The following EPHA6 variants were observed in gnomAD, a reference collection of about 807,000 sequenced individuals.
EPHA6 encodes ephrin type-A receptor 6.
In EPHA6, 50 loss-of-function variants were observed where a neutral mutation model predicts 112.0. That is an observed-to-expected ratio of 0.45 (90% CI 0.36 to 0.56). The LOEUF (loss-of-function observed/expected upper bound fraction) is 0.56, where lower values mean the gene tolerates loss of function less well. Among genes scored for constraint, EPHA6 ranks in the 20% least tolerant of loss-of-function variants. EPHA6 has a pLI of 0.00. For synonymous variants in EPHA6, 529 were observed against 490.7 expected (o/e 1.08, Z -1.03); for missense variants, 1,280 against 1,417.4 (o/e 0.90, Z 1.56).
In EPHA6 at chr3:97,479,296, G is replaced by A. The variant is rs1417988514; in HGVS notation, c.2006G>A (p.Cys669Tyr). The change falls in exon 9 of 18, where the codon TGT becomes TAT. Residue 669 changes from cysteine to tyrosine, a missense_variant and splice_region_variant. This residue lies in a region of EPHA6 where 878 missense variants were observed against 999.7 expected (regional missense o/e 0.88). Transcript: ENST00000389672. ...LTLFFLITGR[C>Y]QWYIKAKMKS... ...TTTTTTTTTAATCTTTTTAAAAGATGTCAGTGGTACATAAAAGCCAAGATG... is the reference window on the plus strand; with the variant it reads ...TTTTTTTTTAATCTTTTTAAAAGATATCAGTGGTACATAAAAGCCAAGATG... The A allele has an allele frequency of 6.3e-7, 1 of 1,586,378 alleles. No homozygotes were observed. The highest frequency in any genetic ancestry group is 8.6e-7 in the Non-Finnish European group (1 of 1,168,198).
At position 96,994,709 on chromosome 3, in the gene EPHA6, G is replaced by GTATATATA. The variant is rs66581386; in HGVS notation, c.1114+6733_1114+6740dup. ...TGTGTGTGTATGTGTGTGTGTGTGT[G>GTATATATA]TATATATATATATATATATATATAG... On this transcript the variant is annotated intron_variant, in intron 3 of 17. Coordinates refer to ENST00000389672, the MANE Select transcript of EPHA6 (RefSeq NM_001080448.3). Among the ~76,000 whole-genome samples the GTATATATA allele has an allele frequency of 3.7e-3, 364 of 98,334 alleles. 4 individuals carry two copies. The highest frequency in any genetic ancestry group is 0.016 in the African/African-American group (295 of 18,542). The allele number at this position is 98,334 out of a possible 152,430, so 64.5% of individuals were successfully genotyped here. A position where few individuals can be genotyped will look rare whatever the true frequency, so the allele number is the denominator to read the frequency against.
chr3:97,227,335 C>G (rs980242093), intron 4 of EPHA6, among the ~76,000 whole-genome samples: 14 of 151,952 alleles, frequency 9.2e-5, no homozygotes, highest in African/African-American at 3.4e-4. Flanking sequence ...ATTCTCCTGC[C>G]TCAGCTTCCT....
rs182789196 is a variant in EPHA6, at chr3:97,553,092, G to T, written c.2386+20549G>T. Among the ~76,000 whole-genome samples the T allele has an allele frequency of 2.0e-5, 3 of 152,090 alleles. No individual in the cohort carries two copies. The East Asian group carries it at 5.8e-4, about 29-fold the overall frequency. ...AACCCATTCTTCACTTTTGCAGCCG[G>T]ATTAATCTTTATACAAAAAGTTTTG... On this transcript the variant is annotated intron_variant, in intron 11 of 17. Coordinates refer to ENST00000389672, the MANE Select transcript of EPHA6 (RefSeq NM_001080448.3).
chr3:97,061,993 GC>G (rs1386717263), intron 3 of EPHA6, among the ~76,000 whole-genome samples: 1 of 152,132 alleles, frequency 6.6e-6, no homozygotes, highest in African/African-American at 2.4e-5. Context: ...CACTAGTTCA[GC>G]CTTAGTCCTT....
chr3:97,560,961 A>G (rs964133665), intron 11 of EPHA6, among the ~76,000 whole-genome samples: 7 of 151,988 alleles, frequency 4.6e-5, no homozygotes, highest in African/African-American at 9.7e-5. Flanking sequence ...TTTGATATTG[A>G]TCTGTGATTG....
At chr3:97,527,823 C>T (rs1201442896) in intron 10 of EPHA6, among the ~76,000 whole-genome samples, 1 of 152,090 alleles carries the variant, frequency 6.6e-6, no homozygotes, top group African/African-American at 2.4e-5. Flanking sequence ...ACTTACTTCT[C>T]AGTGATGAAG....
chr3:97,206,034 T>C (rs746650014), intron 3 of EPHA6, among the ~76,000 whole-genome samples: 1 of 152,122 alleles, frequency 6.6e-6, no homozygotes, highest in South Asian at 2.1e-4. Flanking sequence ...CTGTCCACAA[T>C]GATATGGTCA....
At chr3:97,575,116 G>A (rs2107248743) in intron 11 of EPHA6, among the ~76,000 whole-genome samples, 1 of 152,098 alleles carries the variant, frequency 6.6e-6, no homozygotes, top group African/African-American at 2.4e-5. Context: ...GTGTTAATAA[G>A]AGCATAGGAA....
chr3:97,236,404 T>G (rs2078681523), intron 4 of EPHA6, among the ~76,000 whole-genome samples: 2 of 152,040 alleles, frequency 1.3e-5, no homozygotes, highest in Admixed American at 1.3e-4. Context: ...ACTTTTACTT[T>G]GATGTTTTTC....
intron 2 of EPHA6, among the ~76,000 whole-genome samples, chr3:96,962,617 T>A (rs748663656): frequency 6.6e-6 from 1 of 150,906 alleles, no homozygotes; most frequent in Non-Finnish European, 1.5e-5. Flanking sequence ...GTCAGAAAAT[T>A]TGCACTGTCC....
At chr3:97,598,854 A>G (rs1386833088) in intron 12 of EPHA6, among the ~76,000 whole-genome samples, 4 of 151,324 alleles carry the variant, frequency 2.6e-5, no homozygotes, top group African/African-American at 4.9e-5. Context: ...GACTTCCACA[A>G]TGGTTGAACT....
At chr3:97,509,324 C>T (rs184059082) in intron 10 of EPHA6, among the ~76,000 whole-genome samples, 5 of 151,866 alleles carry the variant, frequency 3.3e-5, no homozygotes, top group African/African-American at 7.3e-5. Flanking sequence ...TGGCCGGTAC[C>T]GGTTGTTCCA....
intron 10 of EPHA6, among the ~76,000 whole-genome samples, chr3:97,487,560 C>T (rs919835991): frequency 6.6e-6 from 1 of 152,194 alleles, no homozygotes; most frequent in Non-Finnish European, 1.5e-5. Flanking sequence ...CAACTACTAA[C>T]CATCAAAATA....
chr3:97,706,919 C>T (rs75699404), intron 14 of EPHA6, among the ~76,000 whole-genome samples: 4,956 of 151,946 alleles, frequency 0.033, 239 homozygotes, highest in African/African-American at 0.11. Context: ...TCCCTGAGGA[C>T]AAGAAGCATG....
chr3:97,650,267 G>T (rs1305138815), intron 14 of EPHA6, among the ~76,000 whole-genome samples: 1 of 152,084 alleles, frequency 6.6e-6, no homozygotes, highest in Non-Finnish European at 1.5e-5. Context: ...ACTTGTCTGG[G>T]ATGGTAGTTT....
chr3:97,148,417 A>G (rs2076093623), intron 3 of EPHA6, among the ~76,000 whole-genome samples: 2 of 152,158 alleles, frequency 1.3e-5, no homozygotes, highest in South Asian at 4.1e-4. Context: ...GGCTGCAGCT[A>G]CAATTATGCC....
At chr3:97,069,569 G>C (rs1333970240) in intron 3 of EPHA6, among the ~76,000 whole-genome samples, 3 of 152,080 alleles carry the variant, frequency 2.0e-5, no homozygotes, top group Non-Finnish European at 4.4e-5. Context: ...TTACAACCTT[G>C]CTTAGGAAAG....
chr3:97,137,591 A>G (rs1006222681), intron 3 of EPHA6, among the ~76,000 whole-genome samples: 6 of 152,318 alleles, frequency 3.9e-5, no homozygotes, highest in African/African-American at 1.4e-4. Context: ...TCTTTAGACC[A>G]TCAAGTAATT....
At chr3:96,884,027 T>A (rs1305902060) in intron 2 of EPHA6, among the ~76,000 whole-genome samples, 2 of 151,962 alleles carry the variant, frequency 1.3e-5, no homozygotes, top group African/African-American at 4.8e-5. Context: ...CAGTTGGCTT[T>A]TAAGTATTTG....
Sources: gnomAD v4.1 joint callset for allele counts (sites outside exome capture counted in the v4.1 genomes callset) on GRCh38, gnomAD v4.1.1 for gene constraint, gnomAD v4.1.1 regional missense constraint, MANE v1.5 for transcripts, NCBI Gene and HGNC (gene_info 2026-07-23, HGNC 2026-07-21) for gene names.